Variants in CNTNAP4 observed in about 807,000 individuals in gnomAD.
CNTNAP4 encodes contactin-associated protein-like 4.
A neutral mutation model predicts 148.4 loss-of-function variants in CNTNAP4; 98 were observed. That is an observed-to-expected ratio of 0.66 (90% CI 0.56 to 0.78). CNTNAP4 has a LOEUF of 0.78. Ranked by LOEUF, CNTNAP4 falls within the 30% of genes least tolerant of loss-of-function variation. The pLI is 0.00. For synonymous variants in CNTNAP4, 730 were observed against 565.1 expected (o/e 1.29, Z -4.14); for missense variants, 1,935 against 1,565.6 (o/e 1.24, Z -3.98).
chr16:76,497,278 A>G (rs1286558016), intron 14 of CNTNAP4, among the ~76,000 whole-genome samples: 2 of 152,220 alleles, frequency 1.3e-5, no homozygotes, highest in East Asian at 3.8e-4. Context: ...GAGCAGCGTT[A>G]AATGAATTAT....
At chr16:76,344,427 C>T (rs1964739999) in intron 2 of CNTNAP4, among the ~76,000 whole-genome samples, 1 of 152,120 alleles carries the variant, frequency 6.6e-6, no homozygotes, top group Non-Finnish European at 1.5e-5. Flanking sequence ...TTTATAAAGT[C>T]ATAATATGTA....
intron 2 of CNTNAP4, among the ~76,000 whole-genome samples, chr16:76,327,489 G>C (rs1334244713): frequency 1.3e-5 from 2 of 152,218 alleles, no homozygotes; most frequent in African/African-American, 2.4e-5. Flanking sequence ...TGTCTTTGCT[G>C]TTGTGACCAG....
chr16:76,425,352 C>A (rs1287228610), intron 3 of CNTNAP4, among the ~76,000 whole-genome samples: 2 of 152,116 alleles, frequency 1.3e-5, no homozygotes, highest in African/African-American at 4.8e-5. Flanking sequence ...ATCCGTTGAA[C>A]TTTTGTTTTG....
Position 76,316,471 on chromosome 16 carries a change from C to T in CNTNAP4, c.144C>T (p.Ser48=), listed in dbSNP as rs115569134. The T allele has an allele frequency of 1.4e-3, 2,232 of 1,613,854 alleles. 17 individuals carry two copies. In the African/African-American group the frequency reaches 0.018, roughly 13 times the overall value. ...ALPQASFSSS[S]ELSSSHGPGF... ...CTCAGGCATCCTTCAGCAGTTCTTCCGAGCTCTCCAGCAGTCATGGTCCTG... is the reference window on the plus strand; with the variant it reads ...CTCAGGCATCCTTCAGCAGTTCTTCTGAGCTCTCCAGCAGTCATGGTCCTG... The change falls in exon 2 of 24, where the codon TCC becomes TCT. Residue 48 remains serine (S), a synonymous_variant. Transcript: ENST00000611870.
chr16:76,453,938 GC>G (rs1428023197), intron 8 of CNTNAP4, among the ~76,000 whole-genome samples: 3 of 151,746 alleles, frequency 2.0e-5, no homozygotes, highest in Non-Finnish European at 4.4e-5. Context: ...TAATTAATAG[GC>G]CCTGAAAATG....
At position 76,559,238 on chromosome 16, in the gene CNTNAP4, GTTT is replaced by G. The variant is rs2085324786; in HGVS notation, c.*557_*559del. ...CAATACATCAATAGTCTTGAAAAAT[GTTT>G]TGCTGTCTTTGCTTTGTTTGTATTG... On this transcript the variant is annotated 3_prime_UTR_variant, in exon 24 of 24. Transcript: ENST00000611870. The G allele has an allele frequency of 1.3e-5, 2 of 151,998 alleles. No homozygotes were observed. The highest frequency in any genetic ancestry group is 4.8e-5 in the African/African-American group (2 of 41,382). The allele number at this position is 151,998 out of a possible 1,614,324, so 9.4% of individuals were successfully genotyped here.
chr16:76,382,863 G>A (rs1024762021), intron 3 of CNTNAP4, among the ~76,000 whole-genome samples: 3 of 152,104 alleles, frequency 2.0e-5, no homozygotes, highest in African/African-American at 7.2e-5. Context: ...CAGAAAACAA[G>A]TATGTTGTCA....
At position 76,313,508 on chromosome 16, in the gene CNTNAP4, C is replaced by T. The variant is rs118010453; in HGVS notation, c.86-2905C>T. On this transcript the variant is annotated intron_variant, in intron 1 of 23. Transcript: ENST00000611870. ...AATTGGCAATAATCAGAATTTCCTTCACCACTCCATGGGTTGTATATCTTT... is the reference window on the plus strand; with the variant it reads ...AATTGGCAATAATCAGAATTTCCTTTACCACTCCATGGGTTGTATATCTTT... Among the ~76,000 whole-genome samples the T allele has an allele frequency of 1.5e-3, 229 of 152,284 alleles. 7 individuals are homozygous for T. In the East Asian group the frequency reaches 0.037, roughly 24 times the overall value.
In CNTNAP4 at chr16:76,535,530, G is replaced by C; in HGVS notation, c.2756-15G>C. ...ACCTAGGAACATGTTTCCATTTGCA[G>C]TATTTCCCTTTTAGGTGGAACGGCC... On this transcript the variant is annotated splice_polypyrimidine_tract_variant and intron_variant, in intron 17 of 23. Coordinates refer to ENST00000611870, the MANE Select transcript of CNTNAP4 (RefSeq NM_033401.5). 1 of 1,611,028 alleles carries C rather than the reference G, an allele frequency of 6.2e-7. No homozygotes were observed. Among genetic ancestry groups the C allele is most frequent in the Non-Finnish European group, 8.5e-7 (1 of 1,179,190 alleles).
At chr16:76,356,070 T>C (rs2012593057) in intron 3 of CNTNAP4, among the ~76,000 whole-genome samples, 1 of 151,798 alleles carries the variant, frequency 6.6e-6, no homozygotes, top group Admixed American at 6.6e-5. Flanking sequence ...AGACGGGCTT[T>C]CACCATGTTG....
At chr16:76,305,132 G>T (rs1960349778) in intron 1 of CNTNAP4, among the ~76,000 whole-genome samples, 1 of 152,142 alleles carries the variant, frequency 6.6e-6, no homozygotes, top group South Asian at 2.1e-4. Context: ...TGCACGTTTA[G>T]TTTTACAAGA....
chr16:76,488,990 A>G lies in CNTNAP4; in HGVS notation c.1883-696A>G, dbSNP rs577064330. Among the ~76,000 whole-genome samples the G allele has an allele frequency of 1.2e-4, 18 of 152,298 alleles. No individual in the cohort carries two copies. In the South Asian group the frequency reaches 3.7e-3, roughly 32 times the overall value. ...TGCTGTGTCAGATGCATTCAATTCA[A>G]AAGAGTAACTTCCTATTGAACTGCC... On this transcript the variant is annotated intron_variant, in intron 12 of 23. Coordinates refer to ENST00000611870, the MANE Select transcript of CNTNAP4 (RefSeq NM_033401.5).
intron 1 of CNTNAP4, chr16:76,316,173 G>T: frequency 1.7e-6 from 1 of 573,672 alleles, no homozygotes; most frequent in South Asian, 2.4e-5. Flanking sequence ...TTAAGATATT[G>T]TTTTATTATA....
chr16:76,494,774 T>C (rs994373966), intron 13 of CNTNAP4, 136 bp from the exon 14 acceptor site: 75 of 925,302 alleles, frequency 8.1e-5, no homozygotes, highest in Middle Eastern at 6.8e-4. Context: ...CTGTTTTGCA[T>C]ATCCTTAAAT....
intron 4 of CNTNAP4, among the ~76,000 whole-genome samples, chr16:76,447,075 A>T (rs1470990143): frequency 1.3e-5 from 2 of 152,154 alleles, no homozygotes; most frequent in Non-Finnish European, 2.9e-5. Flanking sequence ...TGGGTGGCTG[A>T]GGTAGGCAGA....
chr16:76,493,583 G>A (rs2082300053), intron 13 of CNTNAP4, among the ~76,000 whole-genome samples: 1 of 151,920 alleles, frequency 6.6e-6, no homozygotes, highest in Non-Finnish European at 1.5e-5. Context: ...TTAGATGTGG[G>A]AATATGGCTC....
At chr16:76,452,431 A>AG in intron 7 of CNTNAP4, 77 bp from the exon 8 acceptor site, 1 of 1,467,494 alleles carries the variant, frequency 6.8e-7, no homozygotes, top group South Asian at 1.2e-5. Flanking sequence ...TGTGAGATTG[A>AG]AAAGCAGCCT....
At chr16:76,484,465 T>C (rs1395377313) in intron 12 of CNTNAP4, among the ~76,000 whole-genome samples, 1 of 152,086 alleles carries the variant, frequency 6.6e-6, no homozygotes, top group Non-Finnish European at 1.5e-5. Flanking sequence ...TCTGGAATAT[T>C]GGAACATATT....
At chr16:76,447,940 A>G in intron 4 of CNTNAP4, 72 bp from the exon 5 acceptor site, 4 of 1,102,794 alleles carry the variant, frequency 3.6e-6, no homozygotes, top group South Asian at 1.4e-5. Context: ...TTCTCAATAT[A>G]TAATGCATTT....
Sources: allele counts gnomAD v4.1 joint callset (sites outside exome capture counted in the v4.1 genomes callset), GRCh38; gene constraint gnomAD v4.1.1; transcripts MANE v1.5; gene names NCBI Gene and HGNC (gene_info 2026-07-23, HGNC 2026-07-21).